The following AKAP19 variants were observed in gnomAD, a reference collection of about 807,000 sequenced individuals.
AKAP19 encodes the protein small A-kinase anchoring protein.
the AKAP19 span, among the ~76,000 whole-genome samples, chr2:189,911,820 A>AAC: frequency 6.6e-6 from 1 of 152,054 alleles, no homozygotes; most frequent in African/African-American, 2.4e-5. Flanking sequence ...TGCTTTAGCA[A>AAC]ACATTGTTTA....
chr2:190,033,897 G>T, the AKAP19 span, among the ~76,000 whole-genome samples: 1 of 151,782 alleles, frequency 6.6e-6, no homozygotes, highest in Non-Finnish European at 1.5e-5. Flanking sequence ...ATCTCTCCCC[G>T]CTCATATCCA....
the AKAP19 span, among the ~76,000 whole-genome samples, chr2:190,111,820 G>A: frequency 6.6e-6 from 1 of 152,108 alleles, no homozygotes; most frequent in Non-Finnish European, 1.5e-5. Flanking sequence ...TTTTGTGTTT[G>A]TTTTAAATTT....
chr2:190,168,900 C>T, the AKAP19 span, among the ~76,000 whole-genome samples: 5 of 152,190 alleles, frequency 3.3e-5, no homozygotes, highest in Admixed American at 6.5e-5. Flanking sequence ...TTCCTATCTT[C>T]TTCTGAGCCC....
the AKAP19 span, among the ~76,000 whole-genome samples, chr2:190,129,307 C>T: frequency 6.6e-6 from 1 of 151,976 alleles, no homozygotes; most frequent in Admixed American, 6.6e-5. Flanking sequence ...AAAATTGGAC[C>T]CATAAATTAT....
the AKAP19 span, among the ~76,000 whole-genome samples, chr2:189,979,865 T>A: frequency 6.6e-6 from 1 of 152,160 alleles, no homozygotes; most frequent in Non-Finnish European, 1.5e-5. Flanking sequence ...AAAAGTATGA[T>A]GAGATACCAT....
the AKAP19 span, among the ~76,000 whole-genome samples, chr2:190,088,033 T>C: frequency 2.0e-5 from 3 of 151,884 alleles, no homozygotes; most frequent in African/African-American, 7.3e-5. Flanking sequence ...GAGGAAAAAA[T>C]TACAGAGATC....
the AKAP19 span, among the ~76,000 whole-genome samples, chr2:189,948,710 A>G: frequency 6.6e-6 from 1 of 152,200 alleles, no homozygotes; most frequent in Non-Finnish European, 1.5e-5. Context: ...TATGTCAGAC[A>G]TACATAACAT....
chr2:190,064,920 A>G, the AKAP19 span, among the ~76,000 whole-genome samples: 1 of 152,148 alleles, frequency 6.6e-6, no homozygotes, highest in Non-Finnish European at 1.5e-5. Flanking sequence ...TGTATTCACA[A>G]ATTTGCCTAC....
chr2:189,945,578 G>A, the AKAP19 span, among the ~76,000 whole-genome samples: 1 of 152,148 alleles, frequency 6.6e-6, no homozygotes, highest in Non-Finnish European at 1.5e-5. Context: ...TGCTTTAAAT[G>A]GATGTACTTT....
the AKAP19 span, among the ~76,000 whole-genome samples, chr2:190,166,372 A>G: frequency 0.016 from 2,139 of 131,516 alleles, 47 homozygotes; most frequent in African/African-American, 0.058. Flanking sequence ...TGCAAAACAG[A>G]TTGTTCCTAT....
the AKAP19 span, among the ~76,000 whole-genome samples, chr2:190,094,356 G>A: frequency 6.6e-6 from 1 of 152,158 alleles, no homozygotes; most frequent in Admixed American, 6.5e-5. Flanking sequence ...AGTCCTATGA[G>A]GCTGATACTG....
chr2:190,179,726 T>C, the AKAP19 span, among the ~76,000 whole-genome samples: 1 of 152,186 alleles, frequency 6.6e-6, no homozygotes, highest in African/African-American at 2.4e-5. The surrounding 1 kb of genome is among the most constrained non-coding windows in gnomAD (Gnocchi z 6.0). Context: ...AGTTTATAGA[T>C]TGTTAGTTTT....
chr2:190,180,523 T>C, the AKAP19 span: 8 of 985,602 alleles, frequency 8.1e-6, no homozygotes, highest in East Asian at 6.8e-4. The surrounding 1 kb of genome is among the most constrained non-coding windows in gnomAD (Gnocchi z 6.8). Flanking sequence ...TCTGCTTTCA[T>C]TGACCTTTGC....
the AKAP19 span, among the ~76,000 whole-genome samples, chr2:190,019,777 G>T: frequency 6.6e-3 from 1,009 of 152,224 alleles, 6 homozygotes; most frequent in Middle Eastern, 0.014. Flanking sequence ...TATCCTCTCT[G>T]TTTGGTGCTG....
At chr2:190,014,090 C>T in the AKAP19 span, among the ~76,000 whole-genome samples, 1 of 152,082 alleles carries the variant, frequency 6.6e-6, no homozygotes, top group Non-Finnish European at 1.5e-5. Flanking sequence ...ACTGCTTTTC[C>T]TACATCCCAT....
At chr2:190,142,611 C>T in the AKAP19 span, among the ~76,000 whole-genome samples, 11 of 152,278 alleles carry the variant, frequency 7.2e-5, no homozygotes, top group South Asian at 2.1e-4. Context: ...CAGTAAACTT[C>T]TAGGCCTCCA....
the AKAP19 span, among the ~76,000 whole-genome samples, chr2:190,144,095 A>G: frequency 3.3e-5 from 5 of 150,378 alleles, no homozygotes; most frequent in East Asian, 5.8e-4. Context: ...TGGGTGCAGC[A>G]CACCAGCATG....
the AKAP19 span, among the ~76,000 whole-genome samples, chr2:189,977,012 G>A: frequency 1.3e-5 from 2 of 152,164 alleles, no homozygotes; most frequent in Non-Finnish European, 2.9e-5. Flanking sequence ...AAGCCCCAGT[G>A]AGATGAAGCT....
chr2:189,981,842 G>T, the AKAP19 span, among the ~76,000 whole-genome samples: 11 of 152,126 alleles, frequency 7.2e-5, no homozygotes, highest in Non-Finnish European at 1.3e-4. Flanking sequence ...AATCTCATCT[G>T]GTTTGTAAGG....
Sources: allele counts gnomAD v4.1 joint callset (sites outside exome capture counted in the v4.1 genomes callset), GRCh38; gene constraint gnomAD v4.1.1; non-coding constraint Gnocchi (gnomAD v3.1); transcripts MANE v1.5; gene names NCBI Gene and HGNC (gene_info 2026-07-23, HGNC 2026-07-21).